TANC1: variants seen among roughly 807,000 people sequenced by gnomAD.
TANC1 encodes tetratricopeptide repeat, ankyrin repeat and coiled-coil containing 1.
In TANC1, 77 loss-of-function variants were observed where a neutral mutation model predicts 149.7. The ratio of observed to expected loss-of-function variants is 0.51; its 90% confidence interval spans 0.43 to 0.62. The LOEUF is 0.62. Ranked by LOEUF, TANC1 falls within the 20% of genes least tolerant of loss-of-function variation. The pLI is 0.00. For synonymous variants in TANC1, 854 were observed against 925.0 expected, an observed-to-expected ratio of 0.92 and a Z score of 1.39; for missense variants, 1,985 against 2,321.8, an observed-to-expected ratio of 0.85 and a Z score of 2.98.
Position 158,984,892 on chromosome 2 carries a change from G to A in TANC1, c.-126+16110G>A, listed in dbSNP as rs2034832312. Among the ~76,000 whole-genome samples the A allele has an allele frequency of 2.0e-5, 3 of 152,218 alleles. No individual in the cohort carries two copies. The South Asian group carries it at 6.2e-4, about 32-fold the overall frequency. ...GCTTGGCATTTGGGTACAGTGGCAG[G>A]GAGAAGAGAGCCAGATTGCAAAGGC... is the stretch of plus-strand genomic sequence containing the variant. On this transcript the variant is annotated intron_variant, in intron 1 of 26. Coordinates refer to ENST00000263635, the MANE Select transcript of TANC1 (RefSeq NM_033394.3).
intron 7 of TANC1, among the ~76,000 whole-genome samples, chr2:159,156,098 C>T (rs1163990716): frequency 2.0e-5 from 3 of 152,156 alleles, no homozygotes; most frequent in African/African-American, 7.2e-5. Flanking sequence ...TGTTGTAAAT[C>T]CTGCCCTTTT....
At chr2:158,971,087 A>G (rs768995055) in intron 1 of TANC1, among the ~76,000 whole-genome samples, 1 of 152,216 alleles carries the variant, frequency 6.6e-6, no homozygotes, top group South Asian at 2.1e-4. Flanking sequence ...ATTTGGTGCC[A>G]TAGTAGGTTT....
intron 14 of TANC1, among the ~76,000 whole-genome samples, chr2:159,184,730 G>A (rs1161475150): frequency 6.6e-6 from 1 of 152,162 alleles, no homozygotes; most frequent in African/African-American, 2.4e-5. Context: ...CTCAAGATCT[G>A]GGACATGGAA....
At chr2:159,204,461 G>A (rs2058467230) in intron 19 of TANC1, among the ~76,000 whole-genome samples, 1 of 152,222 alleles carries the variant, frequency 6.6e-6, no homozygotes, top group South Asian at 2.1e-4. Flanking sequence ...TAATAGCCAA[G>A]CATGGTGTGG....
intron 16 of TANC1, among the ~76,000 whole-genome samples, chr2:159,187,918 G>A (rs1280167149): frequency 6.6e-6 from 1 of 152,180 alleles, no homozygotes; most frequent in Non-Finnish European, 1.5e-5. Context: ...ATAAGTAAAT[G>A]GGAAACATCT....
At position 159,128,900 on chromosome 2, in the gene TANC1, T is replaced by G. The variant is rs10210561; in HGVS notation, c.260-7294T>G. ...GGTTTGCCATTAGGAATTGGCTATT[T>G]AATGCAATTTGCCTTAGTGATAAAG... is the stretch of plus-strand genomic sequence containing the variant. On this transcript the variant is annotated intron_variant, in intron 4 of 26. Coordinates refer to ENST00000263635, the MANE Select transcript of TANC1 (RefSeq NM_033394.3). Among the ~76,000 whole-genome samples the G allele has an allele frequency of 3.9e-3, 589 of 152,350 alleles. 1 individual carries two copies. Among genetic ancestry groups the G allele is most frequent in the African/African-American group, 0.014 (572 of 41,582 alleles).
intron 2 of TANC1, among the ~76,000 whole-genome samples, chr2:159,052,672 G>A (rs913327716): frequency 6.6e-6 from 1 of 152,190 alleles, no homozygotes; most frequent in East Asian, 1.9e-4. Flanking sequence ...AAACTCAACT[G>A]TATTTTCACT....
At chr2:159,022,052 C>T (rs1206004296) in intron 2 of TANC1, among the ~76,000 whole-genome samples, 1 of 152,206 alleles carries the variant, frequency 6.6e-6, no homozygotes, top group Non-Finnish European at 1.5e-5. Flanking sequence ...AAAAAGAGCT[C>T]TGCTACTTAG....
Position 159,231,143 on chromosome 2 carries a change from G to GAT in TANC1, c.*136_*137dup, listed in dbSNP as rs2060316101. ...TCTTTGGGGTGGATCTGATGCCATTGATATATCTAAAATGTGGGATAAAAC... is the reference window on the plus strand; with the variant it reads ...TCTTTGGGGTGGATCTGATGCCATTGATATATATCTAAAATGTGGGATAAAAC... On this transcript the variant is annotated 3_prime_UTR_variant, in exon 27 of 27. Transcript: ENST00000263635. The GAT allele has an allele frequency of 4.5e-6, 3 of 663,538 alleles. No individual in the cohort carries two copies. Among genetic ancestry groups the GAT allele is most frequent in the Non-Finnish European group, 7.6e-6 (3 of 393,676 alleles). The allele number at this position is 663,538 out of a possible 1,614,324, so 41.1% of individuals were successfully genotyped here. A position where few individuals can be genotyped will look rare whatever the true frequency, so the allele number is the denominator to read the frequency against.
intron 2 of TANC1, among the ~76,000 whole-genome samples, chr2:159,002,664 G>A (rs537526194): frequency 7.9e-5 from 12 of 152,272 alleles, no homozygotes; most frequent in South Asian, 4.1e-4. Context: ...AGGCGTTTGT[G>A]AGCTGCTGAG....
chr2:159,191,173 T>C (rs552326420), intron 16 of TANC1, among the ~76,000 whole-genome samples: 1 of 152,320 alleles, frequency 6.6e-6, no homozygotes, highest in South Asian at 2.1e-4. Flanking sequence ...GTTGGCTGGC[T>C]CCTTGTCACT....
At chr2:159,195,376 TC>T (rs1025024050) in intron 17 of TANC1, among the ~76,000 whole-genome samples, 3 of 152,186 alleles carry the variant, frequency 2.0e-5, no homozygotes, top group Non-Finnish European at 4.4e-5. Context: ...TGCCTTGGCC[TC>T]CCAAACTGTT....
At chr2:159,087,846 C>T (rs925048828) in intron 3 of TANC1, among the ~76,000 whole-genome samples, 5 of 148,200 alleles carry the variant, frequency 3.4e-5, no homozygotes, top group South Asian at 2.2e-4. Context: ...GATGAAGTCA[C>T]GCTAGGTTAG....
intron 4 of TANC1, 82 bp downstream of exon 4, chr2:159,097,916 A>G: frequency 8.6e-7 from 1 of 1,164,684 alleles, no homozygotes; most frequent in Non-Finnish European, 1.2e-6. Flanking sequence ...CCCATGAGAA[A>G]TCTTCTGGGA....
intron 2 of TANC1, among the ~76,000 whole-genome samples, chr2:159,052,616 A>G (rs2041556640): frequency 6.6e-6 from 1 of 152,226 alleles, no homozygotes; most frequent in African/African-American, 2.4e-5. Flanking sequence ...ACAAAAGTAC[A>G]AAATGGACTA....
In TANC1 at chr2:159,058,696, T is replaced by C. The variant is rs79475064; in HGVS notation, c.-15-7200T>C. 2.9e-3 allele frequency among the ~76,000 whole-genome samples: 435 copies of C among 152,368 alleles called. 5 individuals are homozygous for C. The highest frequency in any genetic ancestry group is 9.9e-3 in the African/African-American group (413 of 41,598). ...TTTACAGGTATATGAAGATGGCTCT[T>C]GTACTTAGAAGGAAGCAACTTCTTT... On this transcript the variant is annotated intron_variant, in intron 2 of 26. Coordinates refer to ENST00000263635, the MANE Select transcript of TANC1 (RefSeq NM_033394.3).
chr2:159,224,158 GC>G, intron 22 of TANC1, 73 bp from the exon 23 acceptor site: 1 of 1,572,594 alleles, frequency 6.4e-7, no homozygotes, highest in Non-Finnish European at 8.7e-7. Flanking sequence ...AGCTAAGACT[GC>G]CCACCCCTAA....
chr2:159,217,147 T>C (rs1192748058), intron 19 of TANC1, among the ~76,000 whole-genome samples: 1 of 152,156 alleles, frequency 6.6e-6, no homozygotes, highest in Non-Finnish European at 1.5e-5. Flanking sequence ...GCTGGCTGTC[T>C]GCTGGGAGCC....
chr2:159,073,001 A>G (rs1020026994), intron 3 of TANC1, among the ~76,000 whole-genome samples: 2 of 152,334 alleles, frequency 1.3e-5, no homozygotes, highest in African/African-American at 4.8e-5. Flanking sequence ...TTTCAAAATA[A>G]TGTATTTTAC....
Sources: allele counts gnomAD v4.1 joint callset (sites outside exome capture counted in the v4.1 genomes callset), GRCh38; gene constraint gnomAD v4.1.1; transcripts MANE v1.5; gene names NCBI Gene and HGNC (gene_info 2026-07-23, HGNC 2026-07-21).